Variants in CCDC148 observed in about 807,000 individuals in gnomAD.
CCDC148 encodes coiled-coil domain containing 148.
CCDC148 carries 89 observed loss-of-function variants against 85.7 expected under a neutral mutation model. That is an observed-to-expected ratio of 1.04 (90% CI 0.87 to 1.24). The LOEUF (loss-of-function observed/expected upper bound fraction) is 1.24, where lower values mean the gene tolerates loss of function less well. CCDC148 is among the 50% of genes most tolerant of loss of function. CCDC148 has a pLI of 0.00. For synonymous variants in CCDC148, 230 were observed against 213.9 expected, an observed-to-expected ratio of 1.08 and a Z score of -0.66; for missense variants, 692 against 671.7, an observed-to-expected ratio of 1.03 and a Z score of -0.33.
rs2602178 is a variant in CCDC148, at chr2:158,397,385, C to T, written c.26-38815G>A. Reference sequence around the variant, plus strand: ...GTTAAGGGCAGCCAGAGAGAAACGTCGGGTTACCCACAAAGGGAAGCCTAT... The same window carrying T: ...GTTAAGGGCAGCCAGAGAGAAACGTTGGGTTACCCACAAAGGGAAGCCTAT... On this transcript the variant is annotated intron_variant, in intron 1 of 13. Coordinates refer to ENST00000283233, the MANE Select transcript of CCDC148 (RefSeq NM_138803.4). 1.1e-4 allele frequency among the ~76,000 whole-genome samples: 16 copies of T among 152,216 alleles called. No homozygotes were observed. In the South Asian group the frequency reaches 1.2e-3, roughly 12 times the overall value.
chr2:158,307,068 C>T (rs1164069844), intron 9 of CCDC148, among the ~76,000 whole-genome samples: 1 of 150,590 alleles, frequency 6.6e-6, no homozygotes, highest in Non-Finnish European at 1.5e-5. Flanking sequence ...ATCTCAAAGA[C>T]ATTTAAAAAT....
chr2:158,313,959 G>C (rs1024355140), intron 7 of CCDC148, 65 bp from the exon 8 acceptor site: 4 of 1,477,022 alleles, frequency 2.7e-6, no homozygotes, highest in Non-Finnish European at 3.7e-6. Context: ...GACTCAAACT[G>C]TTCAAGCTAC....
intron 2 of CCDC148, among the ~76,000 whole-genome samples, chr2:158,349,288 T>C (rs1214460277): frequency 1.3e-5 from 2 of 152,016 alleles, no homozygotes; most frequent in African/African-American, 2.4e-5. Context: ...TAATTAACAA[T>C]GATTATTAAA....
At chr2:158,387,284 A>ACCG in intron 1 of CCDC148, among the ~76,000 whole-genome samples, 2 of 61,698 alleles carry the variant, frequency 3.2e-5, no homozygotes, top group African/African-American at 1.0e-4. Context: ...ACACATTTAT[A>ACCG]TCATTATCTA....
chr2:158,441,493 A>G (rs563492930), intron 1 of CCDC148, among the ~76,000 whole-genome samples: 84 of 152,346 alleles, frequency 5.5e-4, no homozygotes, highest in African/African-American at 1.9e-3. Context: ...TACATACAGA[A>G]AAGTCTAATG....
intron 9 of CCDC148, among the ~76,000 whole-genome samples, chr2:158,286,937 A>C (rs932889566): frequency 6.6e-6 from 1 of 152,174 alleles, no homozygotes; most frequent in Admixed American, 6.5e-5. Flanking sequence ...GCTGCTGATA[A>C]AGGTATACCC....
chr2:158,196,529 C>T (rs911996679), intron 11 of CCDC148, among the ~76,000 whole-genome samples: 2 of 152,140 alleles, frequency 1.3e-5, no homozygotes, highest in African/African-American at 4.8e-5. Context: ...TGCAAAAGTA[C>T]ACCATGGTTA....
chr2:158,179,567 A>ATGAG, intron 11 of CCDC148, among the ~76,000 whole-genome samples: 1 of 152,200 alleles, frequency 6.6e-6, no homozygotes, highest in East Asian at 1.9e-4. Context: ...GGCTCTGGCT[A>ATGAG]ACCTGCCCTG....
At chr2:158,412,984 T>C (rs566272449) in intron 1 of CCDC148, among the ~76,000 whole-genome samples, 49 of 151,872 alleles carry the variant, frequency 3.2e-4, no homozygotes, top group Non-Finnish European at 4.7e-4. Context: ...GTATATCTCC[T>C]AATGCTATAG....
At chr2:158,319,426 G>A (rs1439716352) in intron 7 of CCDC148, among the ~76,000 whole-genome samples, 2 of 152,194 alleles carry the variant, frequency 1.3e-5, no homozygotes, top group Non-Finnish European at 2.9e-5. Context: ...GTCCTCTGGG[G>A]CAAAGGTTTC....
intron 11 of CCDC148, among the ~76,000 whole-genome samples, chr2:158,193,781 T>C (rs1685530360): frequency 6.6e-6 from 1 of 152,016 alleles, no homozygotes; most frequent in Non-Finnish European, 1.5e-5. Flanking sequence ...GTATATGAAG[T>C]ACCTTATATT....
chr2:158,316,783 A>G (rs1182695015), intron 7 of CCDC148, among the ~76,000 whole-genome samples: 1 of 152,186 alleles, frequency 6.6e-6, no homozygotes. Flanking sequence ...TACATACCCT[A>G]CGTATATACT....
chr2:158,402,218 A>C (rs1685814389), intron 1 of CCDC148, among the ~76,000 whole-genome samples: 1 of 152,084 alleles, frequency 6.6e-6, no homozygotes, highest in African/African-American at 2.4e-5. Context: ...AAAGGTACAG[A>C]ATCAGTTAAA....
At chr2:158,284,572 A>G (rs181427174) in intron 9 of CCDC148, among the ~76,000 whole-genome samples, 1 of 152,300 alleles carries the variant, frequency 6.6e-6, no homozygotes, top group Non-Finnish European at 1.5e-5. Flanking sequence ...AATCTGAGTG[A>G]AAAACTGCAG....
At chr2:158,392,575 T>A (rs2105298095) in intron 1 of CCDC148, among the ~76,000 whole-genome samples, 1 of 151,862 alleles carries the variant, frequency 6.6e-6, no homozygotes, top group East Asian at 1.9e-4. Flanking sequence ...TCCAGAACAC[T>A]TCTGGTCCCA....
Position 158,338,717 on chromosome 2 carries a change from T to A in CCDC148, c.764+9A>T. The A allele has an allele frequency of 1.3e-6, 2 of 1,586,412 alleles. No individual in the cohort carries two copies. The highest frequency in any genetic ancestry group is 1.7e-6 in the Non-Finnish European group (2 of 1,171,080). On this transcript the variant is annotated intron_variant, in intron 7 of 13. Transcript: ENST00000283233. The stretch of plus-strand genomic sequence containing the variant: ...AAAGTCTACACAGGACTCAGTTTTA[T>A]CTTATCACCTGTATATGTCTTCCAA...
chr2:158,214,870 C>T (rs1686764531), intron 11 of CCDC148, among the ~76,000 whole-genome samples: 1 of 152,044 alleles, frequency 6.6e-6, no homozygotes, highest in African/African-American at 2.4e-5. Context: ...GGAAGCATGT[C>T]CCCAGGCTGG....
chr2:158,416,365 G>C (rs1686500449), intron 1 of CCDC148, among the ~76,000 whole-genome samples: 1 of 152,174 alleles, frequency 6.6e-6, no homozygotes, highest in Non-Finnish European at 1.5e-5. Flanking sequence ...AATTTTTGCA[G>C]CCAGCTGGAA....
intron 7 of CCDC148, 86 bp from the exon 8 acceptor site, chr2:158,313,980 T>G (rs887126153): frequency 7.5e-7 from 1 of 1,330,796 alleles, no homozygotes. Flanking sequence ...TAGCAAGTGA[T>G]AGTAACGAAG....
Sources: gnomAD v4.1 joint callset for allele counts (sites outside exome capture counted in the v4.1 genomes callset) on GRCh38, gnomAD v4.1.1 for gene constraint, MANE v1.5 for transcripts, NCBI Gene and HGNC (gene_info 2026-07-23, HGNC 2026-07-21) for gene names.